The following DDX10 variants were observed in gnomAD, a reference collection of about 807,000 sequenced individuals.
The protein encoded by DDX10 is probable ATP-dependent RNA helicase DDX10.
A neutral mutation model predicts 104.3 loss-of-function variants in DDX10; 74 were observed. The observed-to-expected ratio is 0.71, with a 90% CI of 0.59 to 0.86. DDX10 has a LOEUF of 0.86. Ranked by LOEUF, DDX10 falls within the 40% of genes least tolerant of loss-of-function variation. The probability of loss-of-function intolerance (pLI) is 0.00; values close to 1 mark genes in which losing one functional copy is unlikely to be tolerated. For synonymous variants in DDX10, 351 were observed against 353.4 expected (o/e 0.99, Z 0.08); for missense variants, 952 against 1,040.0 (o/e 0.92, Z 1.16).
At chr11:108,813,002 ATTTACT>A (rs1862205590) in intron 13 of DDX10, among the ~76,000 whole-genome samples, 1 of 151,158 alleles carries the variant, frequency 6.6e-6, no homozygotes, top group South Asian at 2.1e-4. Flanking sequence ...AAGAACAAAC[ATTTACT>A]TTTATGAACA....
intron 13 of DDX10, among the ~76,000 whole-genome samples, chr11:108,760,034 A>G (rs2094348889): frequency 6.6e-6 from 1 of 151,104 alleles, no homozygotes; most frequent in African/African-American, 2.4e-5. Context: ...ACACTATAAG[A>G]GTTAGACATA....
chr11:108,891,652 G>A (rs543610811), intron 16 of DDX10, among the ~76,000 whole-genome samples: 1 of 152,106 alleles, frequency 6.6e-6, no homozygotes, highest in Non-Finnish European at 1.5e-5. Context: ...CGTTACTCTT[G>A]ACATTATATT....
intron 9 of DDX10, among the ~76,000 whole-genome samples, chr11:108,702,683 C>T (rs2094270128): frequency 6.6e-6 from 1 of 152,164 alleles, no homozygotes; most frequent in Admixed American, 6.5e-5. Context: ...CCTATTTTAA[C>T]TAGAAATACT....
At chr11:108,803,199 T>A (rs557427566) in intron 13 of DDX10, among the ~76,000 whole-genome samples, 2 of 152,202 alleles carry the variant, frequency 1.3e-5, no homozygotes, top group African/African-American at 4.8e-5. Flanking sequence ...TATTGCAAGC[T>A]CTCTGCTACC....
intron 17 of DDX10, chr11:108,919,290 C>A (rs1000792034): frequency 6.6e-6 from 1 of 151,952 alleles, no homozygotes; most frequent in Non-Finnish European, 1.5e-5. Context: ...CAAGAGGCAC[C>A]ACAGATAAAA....
At chr11:108,679,007 C>T (rs1188966675) in intron 5 of DDX10, among the ~76,000 whole-genome samples, 3 of 150,832 alleles carry the variant, frequency 2.0e-5, no homozygotes, top group African/African-American at 7.3e-5. Context: ...TACAGGTGTG[C>T]ACCACCACGC....
chr11:108,874,427 A>G (rs1324538422), intron 16 of DDX10, among the ~76,000 whole-genome samples: 1 of 152,210 alleles, frequency 6.6e-6, no homozygotes, highest in African/African-American at 2.4e-5. Flanking sequence ...AGAAGCTCAT[A>G]ATTCTGTTGA....
At chr11:108,885,773 T>C (rs1399656756) in intron 16 of DDX10, among the ~76,000 whole-genome samples, 1 of 152,178 alleles carries the variant, frequency 6.6e-6, no homozygotes, top group African/African-American at 2.4e-5. Context: ...GCTTTTTAAT[T>C]GAGTTAAAAC....
chr11:108,711,858 TACTG>T (rs2094284909), intron 10 of DDX10, among the ~76,000 whole-genome samples: 1 of 152,216 alleles, frequency 6.6e-6, no homozygotes, highest in African/African-American at 2.4e-5. Context: ...ACTATGTTCT[TACTG>T]ACTTTCTGCC....
intron 13 of DDX10, among the ~76,000 whole-genome samples, chr11:108,808,315 CA>C (rs1862128426): frequency 7.4e-6 from 1 of 135,544 alleles, no homozygotes; most frequent in South Asian, 2.3e-4. Flanking sequence ...ACCTCTAAGT[CA>C]AAAAATGCTG....
At chr11:108,712,708 A>C in intron 10 of DDX10, among the ~76,000 whole-genome samples, 1 of 152,166 alleles carries the variant, frequency 6.6e-6, no homozygotes, top group East Asian at 1.9e-4. Context: ...TTAATTTGAA[A>C]AAACTTAGAT....
intron 4 of DDX10, 125 bp downstream of exon 4, chr11:108,677,368 T>C (rs2094227079): frequency 1.2e-6 from 1 of 800,194 alleles, no homozygotes; most frequent in Non-Finnish European, 1.9e-6. Flanking sequence ...CCTCATGGGA[T>C]AGTAGCACTT....
At chr11:108,837,060 C>T (rs1241975482) in intron 13 of DDX10, among the ~76,000 whole-genome samples, 1 of 152,150 alleles carries the variant, frequency 6.6e-6, no homozygotes, top group South Asian at 2.1e-4. Context: ...ATGCAGTTGG[C>T]TTGATCTCTC....
intron 16 of DDX10, among the ~76,000 whole-genome samples, chr11:108,889,360 T>C (rs1863344105): frequency 6.6e-6 from 1 of 152,170 alleles, no homozygotes; most frequent in African/African-American, 2.4e-5. Context: ...TAGTGAGGGA[T>C]TCCCACAATG....
At chr11:108,806,743 G>T (rs1232291907) in intron 13 of DDX10, among the ~76,000 whole-genome samples, 4 of 152,178 alleles carry the variant, frequency 2.6e-5, no homozygotes, top group Non-Finnish European at 5.9e-5. Context: ...CTGAAGACTA[G>T]GGAGGAGCTA....
At chr11:108,759,311 A>G (rs1233657763) in intron 13 of DDX10, among the ~76,000 whole-genome samples, 6 of 152,074 alleles carry the variant, frequency 3.9e-5, no homozygotes, top group South Asian at 4.1e-4. Context: ...CTAAACACCA[A>G]TAAACTTCAA....
At chr11:108,926,950 G>T (rs921875029) in intron 17 of DDX10, among the ~76,000 whole-genome samples, 2 of 152,138 alleles carry the variant, frequency 1.3e-5, no homozygotes, top group Non-Finnish European at 2.9e-5. Flanking sequence ...ACAAATAGGT[G>T]CCCAAAACTG....
intron 13 of DDX10, among the ~76,000 whole-genome samples, chr11:108,794,738 T>G (rs1861915907): frequency 6.6e-6 from 1 of 152,152 alleles, no homozygotes; most frequent in Non-Finnish European, 1.5e-5. Flanking sequence ...TGAGTCTTTT[T>G]ATATGTAGCT....
Position 108,876,927 on chromosome 11 carries a change from C to CA in DDX10, c.2304+24723dup, listed in dbSNP as rs563212139. Among the ~76,000 whole-genome samples the CA allele has an allele frequency of 7.7e-4, 117 of 152,154 alleles. 5 individuals are homozygous for CA. The South Asian group carries it at 0.023, about 30-fold the overall frequency. ...CTACTAGTAGTGTCCAGATAAAAGT[C>CA]AAAAACCTCCCCTATAAAGGAGATT... On this transcript the variant is annotated intron_variant, in intron 16 of 17. Transcript: ENST00000322536.
Sources: allele counts gnomAD v4.1 joint callset (sites outside exome capture counted in the v4.1 genomes callset), GRCh38; gene constraint gnomAD v4.1.1; transcripts MANE v1.5; gene names NCBI Gene and HGNC (gene_info 2026-07-23, HGNC 2026-07-21).